Variants in NCAM2 observed in about 807,000 individuals in gnomAD.
NCAM2 encodes neural cell adhesion molecule 2, also known as N-CAM-2.
Under a neutral mutation model 98.1 loss-of-function variants are expected in NCAM2, and 30 were observed. The ratio of observed to expected loss-of-function variants is 0.31; its 90% CI spans 0.23 to 0.41. NCAM2 has a LOEUF of 0.41. Among genes scored for constraint, NCAM2 ranks in the 10% least tolerant of loss-of-function variants. The pLI is 1.00. For synonymous variants in NCAM2, 368 were observed against 342.4 expected (o/e 1.07, Z -0.83); for missense variants, 867 against 1,005.8 (o/e 0.86, Z 1.87).
intron 12 of NCAM2, among the ~76,000 whole-genome samples, chr21:21,461,196 C>G (rs188454884): frequency 4.1e-4 from 62 of 151,732 alleles, no homozygotes; most frequent in Admixed American, 3.0e-3. Context: ...AATAATTTTA[C>G]GTATACTAAG....
chr21:21,096,777 T>A (rs1373698652), intron 1 of NCAM2, among the ~76,000 whole-genome samples: 2 of 151,706 alleles, frequency 1.3e-5, no homozygotes, highest in African/African-American at 4.8e-5. Flanking sequence ...TGTTACTTCA[T>A]CTGGAATGTT....
intron 1 of NCAM2, among the ~76,000 whole-genome samples, chr21:21,069,959 T>C (rs2065524630): frequency 6.6e-6 from 1 of 152,168 alleles, no homozygotes; most frequent in African/African-American, 2.4e-5. Flanking sequence ...ACATATTTTC[T>C]TGCAATTACC....
At chr21:21,145,934 G>C (rs1601491584) in intron 1 of NCAM2, among the ~76,000 whole-genome samples, 1 of 152,264 alleles carries the variant, frequency 6.6e-6, no homozygotes, top group African/African-American at 2.4e-5. Flanking sequence ...CCCGAAGGAA[G>C]AAGAAAGGCC....
At chr21:21,282,604 A>G (rs1336304251) in intron 2 of NCAM2, among the ~76,000 whole-genome samples, 1 of 151,710 alleles carries the variant, frequency 6.6e-6, no homozygotes, top group African/African-American at 2.4e-5. Context: ...CTCCTCCAAC[A>G]TTTCCAGACG....
chr21:21,516,986 C>T (rs890232394), intron 16 of NCAM2, among the ~76,000 whole-genome samples: 2 of 152,120 alleles, frequency 1.3e-5, no homozygotes, highest in African/African-American at 2.4e-5. Flanking sequence ...TAAATGTCTG[C>T]GTCTGGTCCT....
chr21:21,169,962 A>G (rs562470114), intron 1 of NCAM2, among the ~76,000 whole-genome samples: 1 of 152,268 alleles, frequency 6.6e-6, no homozygotes, highest in African/African-American at 2.4e-5. Flanking sequence ...GTCTCAAAAA[A>G]ATAAAATAAA....
chr21:21,212,987 G>A (rs187177465), intron 1 of NCAM2, among the ~76,000 whole-genome samples: 23 of 152,030 alleles, frequency 1.5e-4, no homozygotes, highest in African/African-American at 4.1e-4. Flanking sequence ...TGATCCGCCC[G>A]CCTTGGCCTC....
chr21:21,352,782 T>G (rs917246194), intron 8 of NCAM2, among the ~76,000 whole-genome samples: 1 of 142,278 alleles, frequency 7.0e-6, no homozygotes, highest in African/African-American at 2.6e-5. Context: ...TTGTTGCACA[T>G]GTACCCTAAA....
intron 1 of NCAM2, among the ~76,000 whole-genome samples, chr21:21,274,362 A>T (rs2072642032): frequency 6.6e-6 from 1 of 152,112 alleles, no homozygotes; most frequent in Non-Finnish European, 1.5e-5. Context: ...AGAAACAATA[A>T]AAATAATTTT....
chr21:21,446,990 A>G (rs574526289), intron 12 of NCAM2, among the ~76,000 whole-genome samples: 144 of 152,320 alleles, frequency 9.5e-4, no homozygotes, highest in African/African-American at 3.3e-3. Context: ...AGTAATTTCT[A>G]CTTTCAATGC....
At chr21:21,486,132 T>C (rs1986336062) in intron 15 of NCAM2, among the ~76,000 whole-genome samples, 1 of 151,654 alleles carries the variant, frequency 6.6e-6, no homozygotes, top group Admixed American at 6.6e-5. Flanking sequence ...TAAAACCCCG[T>C]CTCTACTAAA....
At chr21:21,471,478 T>C (rs1043762036) in intron 14 of NCAM2, among the ~76,000 whole-genome samples, 3 of 151,916 alleles carry the variant, frequency 2.0e-5, no homozygotes, top group Non-Finnish European at 4.4e-5. Context: ...ACTGAATAAC[T>C]TGAAAAAATG....
chr21:21,258,401 G>A (rs541853864), intron 1 of NCAM2, among the ~76,000 whole-genome samples: 1 of 152,226 alleles, frequency 6.6e-6, no homozygotes, highest in South Asian at 2.1e-4. Flanking sequence ...TTGTCAGAGT[G>A]CCCATGGGAA....
At chr21:21,485,894 T>C (rs1351497054) in intron 15 of NCAM2, among the ~76,000 whole-genome samples, 8 of 152,188 alleles carry the variant, frequency 5.3e-5, no homozygotes. Context: ...CTCTCTTTCA[T>C]AGTAGATTTT....
chr21:21,041,062 C>T (rs1389623628), intron 1 of NCAM2, among the ~76,000 whole-genome samples: 1 of 151,786 alleles, frequency 6.6e-6, no homozygotes, highest in Non-Finnish European at 1.5e-5. Context: ...TATTATGTGC[C>T]ATTTAAAAAT....
chr21:21,158,549 A>C (rs66562752), intron 1 of NCAM2, among the ~76,000 whole-genome samples: 58,518 of 151,326 alleles, frequency 0.39, 11,829 homozygotes, highest in South Asian at 0.49. Flanking sequence ...AGGTTGCAGT[A>C]GGCTGAGATC....
intron 9 of NCAM2, among the ~76,000 whole-genome samples, chr21:21,390,148 G>A (rs2076351343): frequency 6.6e-6 from 1 of 152,036 alleles, no homozygotes; most frequent in African/African-American, 2.4e-5. Context: ...GCGCCACCTG[G>A]CTATTATTTT....
intron 9 of NCAM2, among the ~76,000 whole-genome samples, chr21:21,383,883 TG>T (rs2076210109): frequency 6.6e-6 from 1 of 152,090 alleles, no homozygotes; most frequent in Admixed American, 6.6e-5. Flanking sequence ...ACATTATTTT[TG>T]TAATGTAAGA....
At chr21:21,219,863 A>C (rs2070068062) in intron 1 of NCAM2, among the ~76,000 whole-genome samples, 1 of 152,168 alleles carries the variant, frequency 6.6e-6, no homozygotes, top group Non-Finnish European at 1.5e-5. Context: ...TGATATTGAT[A>C]ATTCTGATTC....
Sources: gnomAD v4.1 joint callset for allele counts (sites outside exome capture counted in the v4.1 genomes callset) on GRCh38, gnomAD v4.1.1 for gene constraint, MANE v1.5 for transcripts, NCBI Gene and HGNC (gene_info 2026-07-23, HGNC 2026-07-21) for gene names.